IMMP1L: variants seen among roughly 807,000 people sequenced by gnomAD.
IMMP1L encodes mitochondrial inner membrane protease subunit 1.
A neutral mutation model predicts 21.8 loss-of-function variants in IMMP1L; 24 were observed. The observed-to-expected ratio is 1.10, with a 90% CI of 0.80 to 1.55. The LOEUF is 1.55. IMMP1L is among the 40% of genes most tolerant of loss of function. IMMP1L has a pLI of 0.00. For synonymous variants in IMMP1L, 46 were observed against 62.8 expected (o/e 0.73, Z 1.26); for missense variants, 195 against 200.7 (o/e 0.97, Z 0.17).
intron 4 of IMMP1L, chr11:31,452,745 C>G: frequency 9.9e-7 from 1 of 1,008,586 alleles, no homozygotes; most frequent in Non-Finnish European, 1.2e-6. Context: ...CAAACAGCAT[C>G]TTTTTTTTTC....
At chr11:31,445,254 T>C (rs998541522) in intron 4 of IMMP1L, among the ~76,000 whole-genome samples, 22 of 152,198 alleles carry the variant, frequency 1.4e-4, no homozygotes, top group African/African-American at 4.8e-4. Context: ...GTAAATTAGA[T>C]GCATACTGTA....
At chr11:31,453,047 C>T (rs567857387) in intron 4 of IMMP1L, 161 of 1,287,460 alleles carry the variant, frequency 1.3e-4, no homozygotes, top group East Asian at 3.3e-4. Context: ...CCACCGCGGC[C>T]GGCCAGCAAC....
chr11:31,450,069 A>G (rs1354250154), intron 4 of IMMP1L, among the ~76,000 whole-genome samples: 2 of 152,202 alleles, frequency 1.3e-5, no homozygotes, highest in African/African-American at 2.4e-5. Flanking sequence ...ATGATTCTTC[A>G]TTTTACAATA....
intron 4 of IMMP1L, 110 bp from the exon 5 acceptor site, chr11:31,433,680 T>C (rs1953003265): frequency 1.9e-6 from 1 of 539,052 alleles, no homozygotes; most frequent in East Asian, 3.0e-5. Flanking sequence ...GGCTCTCTTT[T>C]ATAGAATAGA....
intron 3 of IMMP1L, among the ~76,000 whole-genome samples, chr11:31,460,240 T>C (rs991136480): frequency 1.3e-5 from 2 of 152,112 alleles, no homozygotes; most frequent in African/African-American, 2.4e-5. Flanking sequence ...TAGCAATCAA[T>C]AGAACTACAG....
At chr11:31,506,733 G>A (rs777761948) in intron 1 of IMMP1L, among the ~76,000 whole-genome samples, 2 of 151,196 alleles carry the variant, frequency 1.3e-5, no homozygotes, top group Admixed American at 6.6e-5. Context: ...AAGCCGAGGC[G>A]GGTGGATCAC....
intron 3 of IMMP1L, among the ~76,000 whole-genome samples, chr11:31,457,308 G>A (rs879227528): frequency 4.0e-5 from 6 of 151,870 alleles, no homozygotes; most frequent in Non-Finnish European, 5.9e-5. Context: ...CAATCTATCT[G>A]GTAATAAAAA....
chr11:31,496,957 CAT>C (rs1040585923), intron 1 of IMMP1L, among the ~76,000 whole-genome samples: 66 of 145,388 alleles, frequency 4.5e-4, no homozygotes, highest in African/African-American at 1.5e-3. Context: ...TTACGTATAT[CAT>C]ATATATCATC....
intron 1 of IMMP1L, among the ~76,000 whole-genome samples, chr11:31,501,904 G>A (rs574394069): frequency 2.0e-4 from 31 of 152,012 alleles, no homozygotes; most frequent in African/African-American, 7.5e-4. Flanking sequence ...CTTGAACCTG[G>A]GAGGTGGAGG....
intron 4 of IMMP1L, among the ~76,000 whole-genome samples, chr11:31,449,651 A>G (rs1021354366): frequency 6.6e-6 from 1 of 152,160 alleles, no homozygotes; most frequent in Admixed American, 6.5e-5. Flanking sequence ...GATGTTATTA[A>G]CATACTCTAC....
intron 1 of IMMP1L, among the ~76,000 whole-genome samples, chr11:31,490,088 C>T (rs983870436): frequency 6.6e-6 from 1 of 152,160 alleles, no homozygotes; most frequent in Admixed American, 6.5e-5. Context: ...TAGGATCTTA[C>T]TACATTGATG....
At chr11:31,487,509 A>C (rs1038336639) in intron 1 of IMMP1L, among the ~76,000 whole-genome samples, 1 of 152,160 alleles carries the variant, frequency 6.6e-6, no homozygotes, top group Non-Finnish European at 1.5e-5. Context: ...TTGTCTATGC[A>C]TACAACATGA....
At chr11:31,508,168 G>GA (rs897341076) in intron 1 of IMMP1L, among the ~76,000 whole-genome samples, 10 of 149,186 alleles carry the variant, frequency 6.7e-5, no homozygotes, top group African/African-American at 1.5e-4. Flanking sequence ...AAAAGTTGAA[G>GA]AAAAAAAAAA....
chr11:31,463,333 G>A, intron 1 of IMMP1L, 28 bp from the exon 2 acceptor site: 7 of 1,544,828 alleles, frequency 4.5e-6, no homozygotes, highest in South Asian at 2.5e-5. Context: ...AAAGTTTCAT[G>A]ATCAATACTA....
intron 4 of IMMP1L, among the ~76,000 whole-genome samples, chr11:31,439,395 T>C (rs906363856): frequency 2.6e-5 from 4 of 152,192 alleles, no homozygotes; most frequent in African/African-American, 9.7e-5. Context: ...AATGTATTCT[T>C]AAGCTCTAAA....
At chr11:31,446,194 T>C (rs1953511714) in intron 4 of IMMP1L, among the ~76,000 whole-genome samples, 1 of 152,184 alleles carries the variant, frequency 6.6e-6, no homozygotes, top group Admixed American at 6.5e-5. Context: ...CAATTCCCTT[T>C]CTTCCAGCAT....
intron 1 of IMMP1L, chr11:31,473,708 A>G: frequency 1.0e-6 from 1 of 974,146 alleles, no homozygotes; most frequent in Non-Finnish European, 1.2e-6. Context: ...GGATCCAATG[A>G]CTGAAGTAGA....
chr11:31,481,459 T>C (rs530671258), intron 1 of IMMP1L, among the ~76,000 whole-genome samples: 1 of 152,196 alleles, frequency 6.6e-6, no homozygotes, highest in African/African-American at 2.4e-5. Context: ...CTTTCTTTAA[T>C]TTCAGCACTG....
chr11:31,506,736 T>A (rs901420769), intron 1 of IMMP1L, among the ~76,000 whole-genome samples: 2 of 130,578 alleles, frequency 1.5e-5, no homozygotes, highest in Non-Finnish European at 3.3e-5. Context: ...CCGAGGCGGG[T>A]GGATCACAAG....
Sources: allele counts gnomAD v4.1 joint callset (sites outside exome capture counted in the v4.1 genomes callset), GRCh38; gene constraint gnomAD v4.1.1; transcripts MANE v1.5; gene names NCBI Gene and HGNC (gene_info 2026-07-23, HGNC 2026-07-21).